The following GRID2 variants were observed in gnomAD, a reference collection of about 807,000 sequenced individuals.
GRID2 encodes the protein glutamate receptor ionotropic, delta-2.
Under a neutral mutation model 114.8 loss-of-function variants are expected in GRID2, and 33 were observed. The observed-to-expected ratio is 0.29, with a 90% confidence interval of 0.22 to 0.38. The LOEUF is 0.38. Ranked by LOEUF, GRID2 falls within the 10% of genes least tolerant of loss-of-function variation. GRID2 has a pLI of 1.00. For synonymous variants in GRID2, 505 were observed against 449.9 expected (o/e 1.12, Z -1.55); for missense variants, 1,184 against 1,257.7 (o/e 0.94, Z 0.89).
At chr4:92,609,294 T>A (rs1729606282) in intron 2 of GRID2, among the ~76,000 whole-genome samples, 1 of 151,702 alleles carries the variant, frequency 6.6e-6, no homozygotes, top group Non-Finnish European at 1.5e-5. Context: ...GTAACAAATA[T>A]TTATCGAGTG....
chr4:93,199,101 T>A (rs930595177), intron 4 of GRID2, among the ~76,000 whole-genome samples: 3 of 152,032 alleles, frequency 2.0e-5, no homozygotes, highest in African/African-American at 7.2e-5. Context: ...TATGGTAAAA[T>A]AGGCAAGGGA....
At position 92,608,804 on chromosome 4, in the gene GRID2, T is replaced by C. The variant is rs139097568; in HGVS notation, c.244+18518T>C. On this transcript the variant is annotated intron_variant, in intron 2 of 15. Transcript: ENST00000282020. ...TTGGTCTGATTATTACAAGTGGCCA[T>C]TGAGGTTTGTTTATTCTGAATAAAA... 1.8e-4 allele frequency among the ~76,000 whole-genome samples: 28 copies of C among 151,942 alleles called. No individual in the cohort carries two copies. The East Asian group carries it at 4.6e-3, about 25-fold the overall frequency.
intron 2 of GRID2, among the ~76,000 whole-genome samples, chr4:92,768,567 T>C (rs1174645895): frequency 1.3e-5 from 2 of 152,166 alleles, no homozygotes; most frequent in Non-Finnish European, 2.9e-5. Flanking sequence ...ATTTTCCCAT[T>C]GCTAATAAAG....
At chr4:92,875,332 T>C (rs1374191012) in intron 2 of GRID2, among the ~76,000 whole-genome samples, 1 of 151,814 alleles carries the variant, frequency 6.6e-6, no homozygotes, top group African/African-American at 2.4e-5. Context: ...CCCGGCTAAT[T>C]TTTTTCTATT....
At chr4:92,782,101 C>T (rs922156492) in intron 2 of GRID2, among the ~76,000 whole-genome samples, 4 of 151,886 alleles carry the variant, frequency 2.6e-5, no homozygotes, top group Non-Finnish European at 4.4e-5. Flanking sequence ...TTTTTCAATA[C>T]CATCAATTTA....
chr4:92,553,115 T>G (rs1024013166), intron 1 of GRID2, among the ~76,000 whole-genome samples: 2 of 152,176 alleles, frequency 1.3e-5, no homozygotes, highest in African/African-American at 4.8e-5. Context: ...GAGGCCATAA[T>G]TTTTCTCCTT....
At chr4:92,669,888 T>A (rs752421609) in intron 2 of GRID2, among the ~76,000 whole-genome samples, 1 of 152,056 alleles carries the variant, frequency 6.6e-6, no homozygotes, top group Non-Finnish European at 1.5e-5. Flanking sequence ...TTGACTATCA[T>A]GATTTCTTGC....
At chr4:93,458,095 CAG>C (rs958254316) in intron 11 of GRID2, among the ~76,000 whole-genome samples, 2 of 152,026 alleles carry the variant, frequency 1.3e-5, no homozygotes, top group African/African-American at 2.4e-5. Flanking sequence ...AAGCCTAGGA[CAG>C]AGCTCTAAGG....
At chr4:93,136,984 C>T (rs970805512) in intron 4 of GRID2, among the ~76,000 whole-genome samples, 19 of 152,046 alleles carry the variant, frequency 1.2e-4, no homozygotes, top group African/African-American at 4.6e-4. Flanking sequence ...AGTTTATAAT[C>T]TAAAGTTGTT....
intron 2 of GRID2, among the ~76,000 whole-genome samples, chr4:92,968,022 C>T (rs1403643145): frequency 6.6e-6 from 1 of 151,820 alleles, no homozygotes; most frequent in African/African-American, 2.4e-5. Context: ...TTTTCTAGAA[C>T]ACCATTAGGC....
rs563125476 is a variant in GRID2 at position 93,561,255 on chromosome 4, G to A, written c.2193+45844G>A. Among the ~76,000 whole-genome samples the A allele has an allele frequency of 3.3e-5, 5 of 152,110 alleles. No homozygotes were observed. In the South Asian group the frequency reaches 1.0e-3, roughly 32 times the overall value. On this transcript the variant is annotated intron_variant, in intron 13 of 15. Transcript: ENST00000282020. ...ACGTAAGTTTGAAATTTTCCTCAAT[G>A]AAAAATTAAAAATAAAAGAGATTGT...
chr4:93,377,800 T>G (rs181941147), intron 8 of GRID2, among the ~76,000 whole-genome samples: 6 of 152,192 alleles, frequency 3.9e-5, no homozygotes, highest in African/African-American at 1.4e-4. Flanking sequence ...GTCTCAAAAT[T>G]GACAGTTTTT....
At chr4:92,597,008 G>A (rs1195876266) in intron 2 of GRID2, among the ~76,000 whole-genome samples, 1 of 151,968 alleles carries the variant, frequency 6.6e-6, no homozygotes, top group South Asian at 2.1e-4. Flanking sequence ...ATAATAGAAG[G>A]AACAAGATGG....
At chr4:93,492,653 G>C (rs1338618781) in intron 12 of GRID2, among the ~76,000 whole-genome samples, 1 of 151,840 alleles carries the variant, frequency 6.6e-6, no homozygotes, top group African/African-American at 2.4e-5. Context: ...AGTTAATTAT[G>C]TCTATAATTG....
At chr4:93,186,778 A>G (rs1392714540) in intron 4 of GRID2, among the ~76,000 whole-genome samples, 1 of 152,174 alleles carries the variant, frequency 6.6e-6, no homozygotes, top group Non-Finnish European at 1.5e-5. Flanking sequence ...CTTCTAATAT[A>G]GTTTTAACAC....
At chr4:93,744,990 A>G (rs1034053385) in intron 14 of GRID2, among the ~76,000 whole-genome samples, 1 of 152,176 alleles carries the variant, frequency 6.6e-6, no homozygotes, top group Admixed American at 6.6e-5. Context: ...TAGCAAAAAT[A>G]TTTTTAATTA....
intron 1 of GRID2, among the ~76,000 whole-genome samples, chr4:92,320,199 G>C (rs1187949656): frequency 6.6e-6 from 1 of 152,106 alleles, no homozygotes; most frequent in African/African-American, 2.4e-5. Flanking sequence ...CCCCTTTCCT[G>C]CCTCAGATGG....
intron 13 of GRID2, among the ~76,000 whole-genome samples, chr4:93,578,528 G>A (rs566037214): frequency 8.6e-5 from 13 of 151,066 alleles, no homozygotes; most frequent in African/African-American, 1.7e-4. Context: ...TACAAAGCTC[G>A]GAAAGCTGAT....
chr4:93,402,406 C>T (rs72884549), intron 9 of GRID2, among the ~76,000 whole-genome samples: 4,066 of 152,012 alleles, frequency 0.027, 159 homozygotes, highest in African/African-American at 0.093. Flanking sequence ...AAGCAGGTAG[C>T]AAAATGAACA....
Sources: allele counts gnomAD v4.1 joint callset (sites outside exome capture counted in the v4.1 genomes callset), GRCh38; gene constraint gnomAD v4.1.1; transcripts MANE v1.5; gene names NCBI Gene and HGNC (gene_info 2026-07-23, HGNC 2026-07-21).